The following SYNE2 variants were observed in gnomAD, a reference collection of about 807,000 sequenced individuals.
SYNE2 encodes the protein nesprin-2.
In SYNE2, 431 loss-of-function variants were observed where a neutral mutation model predicts 856.3. The ratio of observed to expected loss-of-function variants is 0.50; its 90% CI spans 0.47 to 0.55. The LOEUF (loss-of-function observed/expected upper bound fraction) is 0.55, where lower values mean the gene tolerates loss of function less well. Among genes scored for constraint, SYNE2 ranks in the 20% least tolerant of loss-of-function variants. The pLI is 0.00. For missense variants in SYNE2, 8,129 were observed against 8,023.2 expected (o/e 1.01, Z -0.50); for synonymous variants, 2,923 against 2,872.3 (o/e 1.02, Z -0.56).
intron 1 of SYNE2, among the ~76,000 whole-genome samples, chr14:63,768,820 G>T (rs1238285302): frequency 3.9e-5 from 6 of 151,986 alleles, no homozygotes; most frequent in Non-Finnish European, 2.9e-5. Context: ...TCACTAGTCT[G>T]GCTTCCAGGA....
chr14:64,031,367 T>C lies in SYNE2; in HGVS notation c.7221+10T>C, dbSNP rs777709666. On this transcript the variant is annotated intron_variant, in intron 45 of 115. Transcript: ENST00000555002. The stretch of plus-strand genomic sequence containing the variant: ...CTGGGAAATAAACAAGGTAAGTGCT[T>C]GTGATTGCACTTTCAAGACAGTGAG... 7 of 1,609,992 alleles carry C rather than the reference T, an allele frequency of 4.3e-6. No individual in the cohort carries two copies. The African/African-American group carries it at 9.3e-5, about 22-fold the overall frequency.
At chr14:64,121,117 A>G in intron 68 of SYNE2, 56 bp downstream of exon 68, 1 of 1,609,204 alleles carries the variant, frequency 6.2e-7, no homozygotes, top group Non-Finnish European at 8.5e-7. Context: ...TAACCAGGCA[A>G]GGTGGTGCAA....
Position 64,049,429 on chromosome 14 carries a change from A to AAATAAT in SYNE2, c.7378-157_7378-152dup, listed in dbSNP as rs71444641. On this transcript the variant is annotated intron_variant, in intron 46 of 115. Coordinates refer to ENST00000555002, the MANE Select transcript of SYNE2 (RefSeq NM_182914.3). ...ACCCTGCACTCCAGCCTGGGTGACA[A>AAATAAT]AATAATAATAATAATAATAATAATA... is the stretch of plus-strand genomic sequence containing the variant. The AAATAAT allele has an allele frequency of 0.63, 107,197 of 169,254 alleles. 35,169 individuals carry two copies. The highest frequency in any genetic ancestry group is 0.73 in the Non-Finnish European group (63,546 of 87,624). 10.5% of individuals were successfully genotyped at this position (169,254 alleles called of 1,614,324 possible).
intron 1 of SYNE2, among the ~76,000 whole-genome samples, chr14:63,887,096 C>T (rs558590185): frequency 2.0e-4 from 31 of 152,180 alleles, no homozygotes; most frequent in African/African-American, 6.0e-4. Flanking sequence ...TCCTGGTCAA[C>T]GTGGTGAAAC....
intron 8 of SYNE2, chr14:63,960,984 G>A (rs1039124962): frequency 3.8e-6 from 2 of 520,350 alleles, no homozygotes; most frequent in African/African-American, 1.9e-5. Context: ...GCAACACAAA[G>A]CCTGGCCTGT....
intron 79 of SYNE2, among the ~76,000 whole-genome samples, chr14:64,138,405 A>T (rs1450072262): frequency 6.6e-6 from 1 of 151,502 alleles, no homozygotes; most frequent in Non-Finnish European, 1.5e-5. Flanking sequence ...CTAATTTTAT[A>T]AAATTTTTTG....
intron 83 of SYNE2, among the ~76,000 whole-genome samples, chr14:64,144,519 C>T: frequency 6.6e-6 from 1 of 151,944 alleles, no homozygotes; most frequent in East Asian, 1.9e-4. Context: ...AGACAATTCA[C>T]AAAAGAGGAA....
chr14:63,803,720 C>T (rs1888252184), intron 1 of SYNE2, among the ~76,000 whole-genome samples: 1 of 152,218 alleles, frequency 6.6e-6, no homozygotes, highest in South Asian at 2.1e-4. Flanking sequence ...CATAGTGCAG[C>T]GGTAGGCTGA....
rs552156335 is a variant in SYNE2 at position 63,880,176 on chromosome 14, C to T, written c.-52+27033C>T. On this transcript the variant is annotated intron_variant, in intron 1 of 115. Coordinates refer to ENST00000555002, the MANE Select transcript of SYNE2 (RefSeq NM_182914.3). ...CACGATCTTGGCTCACTGCAACCTC[C>T]GCTTCCTAGGCTCAGGTGAGTCTCC... is the stretch of plus-strand genomic sequence containing the variant. Among the ~76,000 whole-genome samples, 23 of 152,176 alleles carry T rather than the reference C, an allele frequency of 1.5e-4. No individual in the cohort carries two copies. The South Asian group carries it at 1.7e-3, about 11-fold the overall frequency.
chr14:64,125,481 G>A (rs1011525066), intron 71 of SYNE2, among the ~76,000 whole-genome samples: 1 of 152,194 alleles, frequency 6.6e-6, no homozygotes, highest in Non-Finnish European at 1.5e-5. Context: ...TGGTGATCTG[G>A]GATTGGAAGG....
intron 77 of SYNE2, among the ~76,000 whole-genome samples, chr14:64,133,474 T>C (rs1247279618): frequency 6.6e-6 from 1 of 152,054 alleles, no homozygotes. Flanking sequence ...TGTGGTGTGT[T>C]GGGGTCCTCG....
chr14:63,977,661 G>A (rs1378828720), intron 12 of SYNE2, among the ~76,000 whole-genome samples: 6 of 152,162 alleles, frequency 3.9e-5, no homozygotes, highest in African/African-American at 1.4e-4. Flanking sequence ...TCAGGAAGCT[G>A]AGGTGAGAGG....
At chr14:63,992,896 A>G (rs1258854634) in intron 21 of SYNE2, among the ~76,000 whole-genome samples, 1 of 152,088 alleles carries the variant, frequency 6.6e-6, no homozygotes, top group Non-Finnish European at 1.5e-5. Context: ...AAAAATGTGT[A>G]ATGAGTGAAT....
In SYNE2 at chr14:63,948,140, C is replaced by T. The variant is rs144395908; in HGVS notation, c.409-1685C>T. Among the ~76,000 whole-genome samples the T allele has an allele frequency of 5.1e-3, 710 of 139,828 alleles. 4 individuals carry two copies. The highest frequency in any genetic ancestry group is 0.017 in the African/African-American group (637 of 37,252). 91.7% of individuals were successfully genotyped at this position (139,828 alleles called of 152,430 possible). On this transcript the variant is annotated intron_variant, in intron 6 of 115. Coordinates refer to ENST00000555002, the MANE Select transcript of SYNE2 (RefSeq NM_182914.3). ...GTCAGTTTTCACACGTGTGCGTGCGCGCACATACACACACAGACACACACA... is the reference window on the plus strand; with the variant it reads ...GTCAGTTTTCACACGTGTGCGTGCGTGCACATACACACACAGACACACACA...
chr14:64,199,661 C>T (rs958708759), intron 99 of SYNE2, among the ~76,000 whole-genome samples: 4 of 143,730 alleles, frequency 2.8e-5, no homozygotes, highest in African/African-American at 1.0e-4. Context: ...GAGGTTGCAG[C>T]GAGCCCATGT....
intron 32 of SYNE2, among the ~76,000 whole-genome samples, chr14:64,010,431 C>T (rs2096834907): frequency 6.6e-6 from 1 of 152,144 alleles, no homozygotes; most frequent in Admixed American, 6.5e-5. Flanking sequence ...GAACCTGACC[C>T]TTCATTGCAG....
chr14:63,783,793 A>T (rs944780766), intron 1 of SYNE2, among the ~76,000 whole-genome samples: 4 of 152,298 alleles, frequency 2.6e-5, no homozygotes, highest in African/African-American at 9.6e-5. Context: ...TAAATATGTA[A>T]TCCTGGCTTG....
chr14:63,949,660 C>T (rs2096119485), intron 6 of SYNE2, among the ~76,000 whole-genome samples, 165 bp from the exon 7 acceptor site: 1 of 152,162 alleles, frequency 6.6e-6, no homozygotes, highest in Admixed American at 6.5e-5. Context: ...GTGCAGCCCC[C>T]ATGGCAGATG....
Position 63,981,112 on chromosome 14 carries a change from T to C in SYNE2, c.1775T>C (p.Val592Ala). 1 of 1,613,886 alleles carries C rather than the reference T, an allele frequency of 6.2e-7. No homozygotes were observed. The highest frequency in any genetic ancestry group is 8.5e-7 in the Non-Finnish European group (1 of 1,179,838). The stretch of plus-strand genomic sequence containing the variant: ...GTGCTGGCATGTTGGGCTACTTATG[T>C]GGAAAACCTTCGCTTACTAAGGGCT... ...QKVLACWATY[V>A]ENLRLLRACF... Residue 592 changes from valine (V) to alanine (A), a missense_variant, in exon 16 of 116, where the codon GTG becomes GCG. Val to Ala is a moderately conservative substitution (Grantham distance 64, BLOSUM62 0). Transcript: ENST00000555002.
Sources: allele counts gnomAD v4.1 joint callset (sites outside exome capture counted in the v4.1 genomes callset), GRCh38; gene constraint gnomAD v4.1.1; transcripts MANE v1.5; gene names NCBI Gene and HGNC (gene_info 2026-07-23, HGNC 2026-07-21).